The following CDKL1 variants were observed in gnomAD, a reference collection of about 807,000 sequenced individuals.
CDKL1 encodes cyclin dependent kinase like 1.
A neutral mutation model predicts 42.0 loss-of-function variants in CDKL1; 41 were observed. The observed-to-expected ratio is 0.98, with a 90% CI of 0.76 to 1.27. CDKL1 has a LOEUF of 1.27. Among genes scored for constraint, CDKL1 ranks in the 50% most tolerant of loss-of-function variants. The pLI is 0.00. For missense variants in CDKL1, 394 were observed against 428.4 expected (o/e 0.92, Z 0.71); for synonymous variants, 153 against 158.6 (o/e 0.96, Z 0.26).
intron 2 of CDKL1, among the ~76,000 whole-genome samples, chr14:50,381,868 G>A (rs1036351415): frequency 5.3e-5 from 8 of 152,202 alleles, no homozygotes; most frequent in Admixed American, 4.6e-4. Flanking sequence ...GAACTCCTGG[G>A]CTCAAGCTAT....
Position 50,396,269 on chromosome 14 carries a change from A to ATTTTTT in CDKL1, c.-402_-401insAAAAAA. 3.9e-6 allele frequency: 4 copies of ATTTTTT among 1,029,358 alleles called. No individual in the cohort carries two copies. The highest frequency in any genetic ancestry group is 7.2e-5 in the South Asian group (2 of 27,680). The allele number at this position is 1,029,358 out of a possible 1,614,324, so 63.8% of individuals were successfully genotyped here. A position where few individuals can be genotyped will look rare whatever the true frequency, so the allele number is the denominator to read the frequency against. ...ACATAGTTTGAAAACGTCGCTTATA[A>ATTTTTT]AATATTGGCACCAACGGACTGCACT... On this transcript the variant is annotated 5_prime_UTR_variant, in exon 2 of 10. Transcript: ENST00000395834.
At position 50,365,886 on chromosome 14, in the gene CDKL1, C is replaced by T. The variant is rs141987104; in HGVS notation, c.169-6737G>A. 6.7e-3 allele frequency among the ~76,000 whole-genome samples: 1,015 copies of T among 152,322 alleles called. 1 individual carries two copies. Among genetic ancestry groups the T allele is most frequent in the Non-Finnish European group, 0.01 (697 of 68,038 alleles). On this transcript the variant is annotated intron_variant, in intron 2 of 9. Transcript: ENST00000395834. ...TCCCGTGCTGGATGCTTCCTGCCCTCGAACATTAGACTCCAAGTTCTTCAG... is the reference window on the plus strand; with the variant it reads ...TCCCGTGCTGGATGCTTCCTGCCCTTGAACATTAGACTCCAAGTTCTTCAG...
At chr14:50,354,100 G>A (rs1030827028) in intron 3 of CDKL1, among the ~76,000 whole-genome samples, 5 of 151,664 alleles carry the variant, frequency 3.3e-5, no homozygotes, top group South Asian at 2.1e-4. Flanking sequence ...GATTACAGGC[G>A]CCCACCACAA....
At chr14:50,351,090 AG>A (rs1209848954) in intron 3 of CDKL1, among the ~76,000 whole-genome samples, 1 of 151,992 alleles carries the variant, frequency 6.6e-6, no homozygotes, top group Admixed American at 6.6e-5. Context: ...TGGGCGGGAG[AG>A]GGGGGTGTCA....
At chr14:50,392,576 C>G (rs2139555389) in intron 2 of CDKL1, among the ~76,000 whole-genome samples, 1 of 152,016 alleles carries the variant, frequency 6.6e-6, no homozygotes, top group Non-Finnish European at 1.5e-5. Flanking sequence ...TCTTCCTGAC[C>G]CCCAAAGGCT....
At chr14:50,374,249 G>A (rs1008744556) in intron 2 of CDKL1, among the ~76,000 whole-genome samples, 1 of 152,190 alleles carries the variant, frequency 6.6e-6, no homozygotes, top group African/African-American at 2.4e-5. Flanking sequence ...ACAATAACAG[G>A]TGTCAGGGGT....
chr14:50,332,745 A>T, intron 8 of CDKL1: 1 of 1,352,396 alleles, frequency 7.4e-7, no homozygotes, highest in East Asian at 2.5e-5. Context: ...AAATGGGGTA[A>T]TCCATTTAGC....
At chr14:50,374,778 A>C (rs1467793312) in intron 2 of CDKL1, among the ~76,000 whole-genome samples, 1 of 152,216 alleles carries the variant, frequency 6.6e-6, no homozygotes, top group Non-Finnish European at 1.5e-5. Context: ...CCTAGAACCA[A>C]CCACATCCTA....
chr14:50,381,336 T>A (rs1376504939), intron 2 of CDKL1, among the ~76,000 whole-genome samples: 2 of 152,214 alleles, frequency 1.3e-5, no homozygotes, highest in African/African-American at 4.8e-5. Flanking sequence ...AGAGATATAC[T>A]GACCACTGTC....
chr14:50,362,275 G>T (rs920420865), intron 2 of CDKL1: 17 of 378,414 alleles, frequency 4.5e-5, no homozygotes, highest in African/African-American at 2.6e-4. Flanking sequence ...GGACTGAGGA[G>T]TGCGGGCGCA....
chr14:50,332,580 C>T, intron 8 of CDKL1, 148 bp from the exon 9 acceptor site: 1 of 1,485,382 alleles, frequency 6.7e-7, no homozygotes, highest in Non-Finnish European at 9.0e-7. Flanking sequence ...ATTTTAGTTC[C>T]TTCCAGTCAT....
chr14:50,355,529 C>A (rs1156537663), intron 3 of CDKL1, among the ~76,000 whole-genome samples: 2 of 152,144 alleles, frequency 1.3e-5, no homozygotes, highest in Non-Finnish European at 2.9e-5. Flanking sequence ...TCTTTAAAAT[C>A]ATTTTGTAAC....
intron 8 of CDKL1, chr14:50,332,703 A>C: frequency 6.5e-7 from 1 of 1,532,312 alleles, no homozygotes; most frequent in Non-Finnish European, 8.7e-7. Context: ...CTGGGAGAGT[A>C]AGATATAATT....
At chr14:50,345,744 A>G (rs1011139109) in intron 3 of CDKL1, among the ~76,000 whole-genome samples, 4 of 152,126 alleles carry the variant, frequency 2.6e-5, no homozygotes, top group East Asian at 1.9e-4. Context: ...TTCTTTCCCT[A>G]TGCTGCCATG....
chr14:50,326,688 A>G lies in CDKL1; in HGVS notation c.*3386T>C, dbSNP rs958585568. On this transcript the variant is annotated 3_prime_UTR_variant, in exon 10 of 10. Transcript: ENST00000395834. ...GAATACAAATAGTTTTGCAGATTGC[A>G]ATATAATAAAGGAAACAGTAAAAAC... The G allele has an allele frequency of 1.0e-6, 1 of 985,300 alleles. No individual in the cohort carries two copies. The highest frequency in any genetic ancestry group is 4.7e-5 in the South Asian group (1 of 21,290). The allele number at this position is 985,300 out of a possible 1,614,324, so 61.0% of individuals were successfully genotyped here.
intron 2 of CDKL1, among the ~76,000 whole-genome samples, chr14:50,359,797 TAAA>T (rs10672836): frequency 1.7e-5 from 2 of 120,892 alleles, no homozygotes; most frequent in Non-Finnish European, 1.7e-5. Context: ...GTGTCTAGAT[TAAA>T]AAAAAAAAAA....
chr14:50,397,162 G>A (rs1338117191), upstream of CDKL1: 2 of 1,366,358 alleles, frequency 1.5e-6, no homozygotes, highest in African/African-American at 1.5e-5. Context: ...CAAGACGCCT[G>A]CGCTAGGAGC....
chr14:50,360,945 G>C (rs1299095220), intron 2 of CDKL1, among the ~76,000 whole-genome samples: 1 of 152,068 alleles, frequency 6.6e-6, no homozygotes, highest in Admixed American at 6.6e-5. Context: ...TTCATCTTTT[G>C]ATCTATGGAC....
At chr14:50,383,276 G>A (rs1346112059) in intron 2 of CDKL1, among the ~76,000 whole-genome samples, 7 of 152,040 alleles carry the variant, frequency 4.6e-5, no homozygotes, top group East Asian at 1.9e-4. Flanking sequence ...TCGGCTGGGC[G>A]TGGTGGCTCA....
Sources: gnomAD v4.1 joint callset for allele counts (sites outside exome capture counted in the v4.1 genomes callset) on GRCh38, gnomAD v4.1.1 for gene constraint, MANE v1.5 for transcripts, NCBI Gene and HGNC (gene_info 2026-07-23, HGNC 2026-07-21) for gene names.